The following PIP5K1C variants were observed in gnomAD, a reference collection of about 807,000 sequenced individuals.
The protein encoded by PIP5K1C is phosphatidylinositol 4-phosphate 5-kinase type-1 gamma.
Under a neutral mutation model 80.1 loss-of-function variants are expected in PIP5K1C, and 45 were observed. The observed-to-expected ratio is 0.56, with a 90% confidence interval of 0.44 to 0.72. The LOEUF (loss-of-function observed/expected upper bound fraction) is 0.72, where lower values mean the gene tolerates loss of function less well. Ranked by LOEUF, PIP5K1C falls within the 30% of genes least tolerant of loss-of-function variation. The pLI is 0.00. For synonymous variants in PIP5K1C, 498 were observed against 420.1 expected (o/e 1.19, Z -2.27); for missense variants, 753 against 954.6 (o/e 0.79, Z 2.78).
chr19:3,675,672 A>G (rs2035335067), intron 1 of PIP5K1C, among the ~76,000 whole-genome samples: 1 of 152,128 alleles, frequency 6.6e-6, no homozygotes, highest in Non-Finnish European at 1.5e-5. Context: ...GAGTGTACCC[A>G]CATGCAAACG....
In PIP5K1C at chr19:3,643,349, A is replaced by G; in HGVS notation, c.1543T>C (p.Ser515Pro). 1 of 1,613,814 alleles carries G rather than the reference A, an allele frequency of 6.2e-7. No homozygotes were observed. Among genetic ancestry groups the G allele is most frequent in the Non-Finnish European group, 8.5e-7 (1 of 1,179,948 alleles). The change falls in exon 13 of 18, where the codon TCT becomes CCT. Residue 515 changes from serine (S) to proline (P), a missense_variant. By Grantham distance (74) the Ser-to-Pro change is moderately conservative. Around this residue, in one of 6 missense-constraint regions of PIP5K1C, gnomAD observed 315 missense variants for 294.5 expected, o/e 1.07. Coordinates refer to ENST00000335312, the MANE Select transcript of PIP5K1C (RefSeq NM_012398.3). ...GAGGCTGTAGTGGCTTCTTCGAAAGAAGGTGGCGTGCAGGGCAGGAGGTCG... is the reference window on the plus strand; with the variant it reads ...GAGGCTGTAGTGGCTTCTTCGAAAGGAGGTGGCGTGCAGGGCAGGAGGTCG... ...RPDLLPCTPP[S>P]FEEATTASIA...
rs552785133 is a variant in PIP5K1C at position 3,637,454 on chromosome 19, C to T, written c.1920+1430G>A. ...AAAACAACTGACGTCAGACACTGAG[C>T]TTCCGGCCGGGGACCTGCGGCTCCC... is the stretch of plus-strand genomic sequence containing the variant. On this transcript the variant is annotated intron_variant, in intron 16 of 17. Transcript: ENST00000335312. This position sits in a 1 kb window ranked among gnomAD's most constrained non-coding sequence, Gnocchi z 7.0. 1 of 1,535,732 alleles carries T rather than the reference C, an allele frequency of 6.5e-7. No homozygotes were observed. Among genetic ancestry groups the T allele is most frequent in the Non-Finnish European group, 8.7e-7 (1 of 1,146,814 alleles).
chr19:3,652,103 T>G (rs2034473961), intron 7 of PIP5K1C, 72 bp from the exon 8 acceptor site: 1 of 1,483,052 alleles, frequency 6.7e-7, no homozygotes, highest in South Asian at 1.1e-5. Flanking sequence ...CCGGACCCTA[T>G]GGGGTTCCCA....
At chr19:3,650,389 G>A (rs906432765) in intron 8 of PIP5K1C, among the ~76,000 whole-genome samples, 3 of 152,236 alleles carry the variant, frequency 2.0e-5, no homozygotes, top group African/African-American at 7.2e-5. Context: ...CCACTGTCAG[G>A]GTGCTGCTGT....
chr19:3,641,613 G>T, intron 15 of PIP5K1C, 92 bp downstream of exon 15: 2 of 891,362 alleles, frequency 2.2e-6, no homozygotes, highest in Non-Finnish European at 3.7e-6. Context: ...TAGTAAGAAA[G>T]AACTGCTTCA....
intron 5 of PIP5K1C, among the ~76,000 whole-genome samples, chr19:3,657,763 T>TA (rs10623803): frequency 0.56 from 80,432 of 144,044 alleles, 22,673 homozygotes; most frequent in African/African-American, 0.68. Flanking sequence ...TCATCTGTAC[T>TA]AAAAAAAAAA....
chr19:3,656,334 C>T (rs2034631675), intron 6 of PIP5K1C, 71 bp downstream of exon 6: 1 of 1,570,306 alleles, frequency 6.4e-7, no homozygotes, highest in African/African-American at 1.4e-5. Flanking sequence ...GCCTTGCAGA[C>T]ATCTGCTCCC....
rs1253731018 is a variant in PIP5K1C, at chr19:3,692,510, C to G, written c.94+7787G>C. Among the ~76,000 whole-genome samples, 1 of 152,190 alleles carries G rather than the reference C, an allele frequency of 6.6e-6. No individual in the cohort carries two copies. The highest frequency in any genetic ancestry group is 6.5e-5 in the Admixed American group (1 of 15,288). On this transcript the variant is annotated intron_variant, in intron 1 of 17. Transcript: ENST00000335312. This position sits in a 1 kb window ranked among gnomAD's most constrained non-coding sequence, Gnocchi z 5.2. ...AATCCCCCCTCAGCCCCACACTCAACCTTCAAAAGGTCCTGCTGGCTCTGC... is the reference window on the plus strand; with the variant it reads ...AATCCCCCCTCAGCCCCACACTCAAGCTTCAAAAGGTCCTGCTGGCTCTGC...
Position 3,648,854 on chromosome 19 carries a change from G to T in PIP5K1C, c.1128-146C>A. 1.5e-6 allele frequency: 1 copy of T among 674,580 alleles called. No homozygotes were observed. The highest frequency in any genetic ancestry group is 2.2e-5 in the Admixed American group (1 of 46,414). The allele number at this position is 674,580 out of a possible 1,614,324, so 41.8% of individuals were successfully genotyped here. A position where few individuals can be genotyped will look rare whatever the true frequency, so the allele number is the denominator to read the frequency against. ...CTCTCGGAGTGGGGCCTGGCACCCGGGAACCTCTGTCCTGACATCCCTCCA... is the reference window on the plus strand; with the variant it reads ...CTCTCGGAGTGGGGCCTGGCACCCGTGAACCTCTGTCCTGACATCCCTCCA... On this transcript the variant is annotated intron_variant, in intron 8 of 17. Transcript: ENST00000335312. This position sits in a 1 kb window ranked among gnomAD's most constrained non-coding sequence, Gnocchi z 4.3.
In PIP5K1C at chr19:3,633,014, G is replaced by A. The variant is rs2033513801; in HGVS notation, c.*153C>T. ...TGGGAGGCTTGTCGGGGAGGGGCCC[G>A]GCCGTCGGCATCCGTGCAGGGGGAG... On this transcript the variant is annotated 3_prime_UTR_variant, in exon 18 of 18. Transcript: ENST00000335312. 8 of 549,150 alleles carry A rather than the reference G, an allele frequency of 1.5e-5. No homozygotes were observed. Among genetic ancestry groups the A allele is most frequent in the Non-Finnish European group, 2.0e-5 (6 of 305,646 alleles). 34.0% of individuals were successfully genotyped at this position (549,150 alleles called of 1,614,324 possible).
intron 1 of PIP5K1C, among the ~76,000 whole-genome samples, chr19:3,699,852 G>T (rs2036241959): frequency 6.6e-6 from 1 of 152,212 alleles, no homozygotes. Flanking sequence ...CCTCATTTTA[G>T]CAGGGAGGTA....
At position 3,682,557 on chromosome 19, in the gene PIP5K1C, C is replaced by T. The variant is rs188507840; in HGVS notation, c.95-15204G>A. On this transcript the variant is annotated intron_variant, in intron 1 of 17. Coordinates refer to ENST00000335312, the MANE Select transcript of PIP5K1C (RefSeq NM_012398.3). Reference sequence around the variant, plus strand: ...ACAAAAAAATTATCTGGCGTGGTGACGTGTGCCTGTAGTCCCGGCTACTCG... The same window carrying T: ...ACAAAAAAATTATCTGGCGTGGTGATGTGTGCCTGTAGTCCCGGCTACTCG... 2.5e-4 allele frequency among the ~76,000 whole-genome samples: 38 copies of T among 151,752 alleles called. 1 individual carries two copies. The East Asian group carries it at 4.7e-3, about 19-fold the overall frequency.
intron 7 of PIP5K1C, among the ~76,000 whole-genome samples, chr19:3,652,470 A>G (rs781680672): frequency 2.4e-4 from 36 of 152,238 alleles, no homozygotes; most frequent in Non-Finnish European, 4.4e-5. Context: ...GGTATGGGTC[A>G]AGTTCTCAAA....
At position 3,631,121 on chromosome 19, in the gene PIP5K1C, G is replaced by C. The variant is rs903800386; in HGVS notation, c.*2046C>G. ...TTTCTCCTGCAAAGGCGCGTCGGCC[G>C]GGCACTGGTGTCCCGTGTCACTCAG... On this transcript the variant is annotated 3_prime_UTR_variant, in exon 18 of 18. Coordinates refer to ENST00000335312, the MANE Select transcript of PIP5K1C (RefSeq NM_012398.3). 4 of 152,268 alleles carry C rather than the reference G, an allele frequency of 2.6e-5. No individual in the cohort carries two copies. The highest frequency in any genetic ancestry group is 2.6e-4 in the Admixed American group (4 of 15,290). The allele number at this position is 152,268 out of a possible 1,614,324, so 9.4% of individuals were successfully genotyped here.
At chr19:3,680,215 C>T (rs554213229) in intron 1 of PIP5K1C, among the ~76,000 whole-genome samples, 1 of 152,328 alleles carries the variant, frequency 6.6e-6, no homozygotes, top group South Asian at 2.1e-4. Context: ...TCCATCCATC[C>T]ATCCATCCAA....
rs1196977718 is a variant in PIP5K1C, at chr19:3,692,409, G to A, written c.94+7888C>T. ...GCTGGGCCCCGGCGGCCCCCATGCT[G>A]CCCTTCCTGCATCCATCTTGGCTGA... is the stretch of plus-strand genomic sequence containing the variant. On this transcript the variant is annotated intron_variant, in intron 1 of 17. Coordinates refer to ENST00000335312, the MANE Select transcript of PIP5K1C (RefSeq NM_012398.3). This position sits in a 1 kb window ranked among gnomAD's most constrained non-coding sequence, Gnocchi z 5.2. 6.6e-6 allele frequency among the ~76,000 whole-genome samples: 1 copy of A among 152,178 alleles called. No individual in the cohort carries two copies. Among genetic ancestry groups the A allele is most frequent in the Non-Finnish European group, 1.5e-5 (1 of 68,030 alleles).
chr19:3,641,218 A>C (rs572026477), intron 15 of PIP5K1C, among the ~76,000 whole-genome samples: 2 of 152,180 alleles, frequency 1.3e-5, no homozygotes, highest in Non-Finnish European at 2.9e-5. Flanking sequence ...CTGTCTCACA[A>C]AAAAAATTTA....
Position 3,700,324 on chromosome 19 carries a change from A to C in PIP5K1C, c.67T>G (p.Trp23Gly). Reference sequence around the variant, plus strand: ...GCCGCCGCCCCGCTCTCTGCCGCCCACGCCGCCTCCGAGGGCACGGCCCCC... The same window carrying C: ...GCCGCCGCCCCGCTCTCTGCCGCCCCCGCCGCCTCCGAGGGCACGGCCCCC... ...EAGAVPSEAAWAAESGAAAGL... is the reference protein window; with the variant it reads ...EAGAVPSEAAGAAESGAAAGL... Residue 23 changes from tryptophan to glycine, a missense_variant, in exon 1 of 18, where the codon TGG (tryptophan) becomes GGG (glycine). This residue lies in a region of PIP5K1C where 78 missense variants were observed against 67.1 expected (regional missense o/e 1.16). Coordinates refer to ENST00000335312, the MANE Select transcript of PIP5K1C (RefSeq NM_012398.3). 7.7e-7 allele frequency: 1 copy of C among 1,293,226 alleles called. No homozygotes were observed. Among genetic ancestry groups the C allele is most frequent in the Non-Finnish European group, 1.0e-6 (1 of 1,004,054 alleles). The allele number at this position is 1,293,226 out of a possible 1,614,324, so 80.1% of individuals were successfully genotyped here.
At position 3,630,314 on chromosome 19, in the gene PIP5K1C, A is replaced by T. The variant is rs902774119; in HGVS notation, c.*2853T>A. The T allele has an allele frequency of 6.6e-6, 1 of 151,498 alleles. No homozygotes were observed. The highest frequency in any genetic ancestry group is 2.4e-5 in the African/African-American group (1 of 40,982). The allele number at this position is 151,498 out of a possible 1,614,324, so 9.4% of individuals were successfully genotyped here. The stretch of plus-strand genomic sequence containing the variant: ...CTGTATGGTTTCAGAGGCGCCCACC[A>T]CTCTGGGTTTGAGGGACACAGCACC... On this transcript the variant is annotated 3_prime_UTR_variant, in exon 18 of 18. Coordinates refer to ENST00000335312, the MANE Select transcript of PIP5K1C (RefSeq NM_012398.3).
Sources: gnomAD v4.1 joint callset for allele counts (sites outside exome capture counted in the v4.1 genomes callset) on GRCh38, gnomAD v4.1.1 for gene constraint, gnomAD v4.1.1 regional missense constraint, Gnocchi (gnomAD v3.1) non-coding constraint, MANE v1.5 for transcripts, NCBI Gene and HGNC (gene_info 2026-07-23, HGNC 2026-07-21) for gene names.